Variants in TBL1X observed in about 807,000 individuals in gnomAD.
The protein encoded by TBL1X is transducin beta like 1 X-linked.
A neutral mutation model predicts 50.7 loss-of-function variants in TBL1X; 10 were observed. The observed-to-expected ratio is 0.20, with a 90% CI of 0.12 to 0.33. TBL1X has a LOEUF of 0.33. Among genes scored for constraint, TBL1X ranks in the 10% least tolerant of loss-of-function variants. The pLI, the probability that TBL1X is intolerant of heterozygous loss-of-function variation, is 1.00. For synonymous variants in TBL1X, 190 were observed against 214.7 expected, an observed-to-expected ratio of 0.88 and a Z score of 1.01; for missense variants, 340 against 504.4, an observed-to-expected ratio of 0.67 and a Z score of 3.12.
intron 13 of TBL1X, 64 bp from the exon 14 acceptor site, chrX:9,709,184 G>T: frequency 8.9e-7 from 1 of 1,121,685 alleles, no homozygotes; most frequent in African/African-American, 1.8e-5. Context: ...GCCCCCTGCT[G>T]GAAGGTGACC....
intron 2 of TBL1X, among the ~76,000 whole-genome samples, chrX:9,594,218 C>A (rs750130754): frequency 3.9e-4 from 44 of 112,527 alleles, no homozygotes; most frequent in Non-Finnish European, 4.9e-4. Context: ...AAATAGGGCA[C>A]CTTGTCAAGA....
chrX:9,655,702 C>T (rs1363139726), intron 5 of TBL1X, among the ~76,000 whole-genome samples: 1 of 111,737 alleles, frequency 8.9e-6, no homozygotes, highest in African/African-American at 3.3e-5. Context: ...AGTTCCTAGG[C>T]CCCGTCCTCC....
At chrX:9,482,789 A>G (rs1400938649) in intron 1 of TBL1X, among the ~76,000 whole-genome samples, 1 of 111,189 alleles carries the variant, frequency 9.0e-6, no homozygotes, top group Non-Finnish European at 1.9e-5. Flanking sequence ...CAAAAGTTAT[A>G]TCAGTGAGAG....
intron 2 of TBL1X, among the ~76,000 whole-genome samples, chrX:9,558,492 G>A (rs1396022042): frequency 9.2e-6 from 1 of 108,768 alleles, no homozygotes; most frequent in South Asian, 4.0e-4. Flanking sequence ...ACTCCAGCCT[G>A]GGCAACAAGA....
chrX:9,492,926 C>G (rs1407567934), intron 1 of TBL1X, among the ~76,000 whole-genome samples: 3 of 97,056 alleles, frequency 3.1e-5, no homozygotes, highest in African/African-American at 1.2e-4. Flanking sequence ...AAGGATGAAA[C>G]CATTTGGGAA....
intron 2 of TBL1X, among the ~76,000 whole-genome samples, chrX:9,537,446 C>A (rs1237211913): frequency 9.0e-6 from 1 of 111,575 alleles, no homozygotes; most frequent in Non-Finnish European, 1.9e-5. Context: ...TTTCATCATA[C>A]CAAACAGAAA....
At chrX:9,519,770 G>A (rs1029378403) in intron 2 of TBL1X, among the ~76,000 whole-genome samples, 1 of 111,853 alleles carries the variant, frequency 8.9e-6, no homozygotes, top group Non-Finnish European at 1.9e-5. Context: ...CTCTGCTGCT[G>A]GGAGAGTGGC....
At position 9,672,495 on chromosome X, in the gene TBL1X, T is replaced by C. The variant is rs767600940; in HGVS notation, c.212-11548T>C. ...GTACATCCCTTTGCTGGTGCCTCCT[T>C]CTCCGTTCACTTCTCAACTACTACT... On this transcript the variant is annotated intron_variant, in intron 5 of 17. Coordinates refer to ENST00000645353, the MANE Select transcript of TBL1X (RefSeq NM_005647.4). Among the ~76,000 whole-genome samples, 5 of 111,693 alleles carry C rather than the reference T, an allele frequency of 4.5e-5. No individual in the cohort carries two copies. The Admixed American group carries it at 4.7e-4, about 11-fold the overall frequency.
At chrX:9,546,827 T>C (rs1601747826) in intron 2 of TBL1X, among the ~76,000 whole-genome samples, 2 of 53,338 alleles carry the variant, frequency 3.7e-5, no homozygotes, top group Non-Finnish European at 6.9e-5. Flanking sequence ...TTTTTTTTTT[T>C]TTTTTTTTTG....
chrX:9,654,636 CTG>C (rs2082855535), intron 5 of TBL1X, among the ~76,000 whole-genome samples: 1 of 111,519 alleles, frequency 9.0e-6, no homozygotes, highest in African/African-American at 3.3e-5. Flanking sequence ...CATGCATGAG[CTG>C]GTGTGTGTGT....
chrX:9,715,623 G>A lies in TBL1X; in HGVS notation c.1708-597G>A, dbSNP rs1318388225. Among the ~76,000 whole-genome samples the A allele has an allele frequency of 4.5e-5, 5 of 112,253 alleles. No individual in the cohort carries two copies. The South Asian group carries it at 1.9e-3, about 42-fold the overall frequency. ...TGTGCGGTGCGTTGTTGCTGGAAAC[G>A]TCATTATGTGACGCGTGACTGTGCT... On this transcript the variant is annotated intron_variant, in intron 17 of 17. Transcript: ENST00000645353.
At chrX:9,577,121 A>C (rs1012660754) in intron 2 of TBL1X, among the ~76,000 whole-genome samples, 1 of 111,799 alleles carries the variant, frequency 8.9e-6, no homozygotes, top group Non-Finnish European at 1.9e-5. Context: ...CCCATCAATT[A>C]GTCTTTTCCT....
chrX:9,481,264 T>C (rs978254019), intron 1 of TBL1X, among the ~76,000 whole-genome samples: 1 of 112,389 alleles, frequency 8.9e-6, no homozygotes, highest in African/African-American at 3.2e-5. Flanking sequence ...ACTGAAGTAA[T>C]GGAAGACCGA....
rs1357479714 is a variant in TBL1X at position 9,714,985 on chromosome X, C to T, written c.1689C>T (p.Ala563=). The T allele has an allele frequency of 5.0e-6, 6 of 1,209,453 alleles. No homozygotes were observed. The South Asian group carries it at 1.1e-4, about 21-fold the overall frequency. The change falls in exon 17 of 18, where the codon GCC becomes GCT. Residue 563 remains alanine (A), a synonymous_variant. Transcript: ENST00000645353. ...CWNARGDKVG[A]SASDGSVCVL... is the part of the protein sequence containing the mutation. ...ACGCCCGAGGAGACAAAGTGGGTGC[C>T]AGCGCGTCCGACGGCTCTGTAAGCA...
At chrX:9,474,801 A>T (rs780630859) in intron 1 of TBL1X, among the ~76,000 whole-genome samples, 73 of 113,121 alleles carry the variant, frequency 6.5e-4, no homozygotes, top group African/African-American at 2.2e-3. Flanking sequence ...TTTCAAAGAC[A>T]TCAACGTGAG....
At chrX:9,701,374 C>T (rs964883785) in intron 12 of TBL1X, among the ~76,000 whole-genome samples, 2 of 109,162 alleles carry the variant, frequency 1.8e-5, no homozygotes, top group Admixed American at 9.8e-5. Context: ...GCCCTCTTAC[C>T]GGCCATTCAC....
intron 2 of TBL1X, among the ~76,000 whole-genome samples, chrX:9,507,213 T>A (rs1039599652): frequency 2.7e-5 from 3 of 112,262 alleles, no homozygotes; most frequent in African/African-American, 9.7e-5. Flanking sequence ...GCCCAAAAAC[T>A]TCTTGAACTG....
At chrX:9,598,602 A>G (rs1216319671) in intron 2 of TBL1X, among the ~76,000 whole-genome samples, 1 of 112,211 alleles carries the variant, frequency 8.9e-6, no homozygotes, top group Non-Finnish European at 1.9e-5. Context: ...CTGGTCAGTG[A>G]AGAAAGAGGA....
intron 2 of TBL1X, among the ~76,000 whole-genome samples, chrX:9,626,084 G>C: frequency 8.9e-6 from 1 of 111,996 alleles, no homozygotes; most frequent in African/African-American, 3.3e-5. Context: ...ATGTCGGGAC[G>C]GTGATGCAGT....
Sources: allele counts gnomAD v4.1 joint callset (sites outside exome capture counted in the v4.1 genomes callset), GRCh38; gene constraint gnomAD v4.1.1; transcripts MANE v1.5; gene names NCBI Gene and HGNC (gene_info 2026-07-23, HGNC 2026-07-21).